CCDC192: variants seen among roughly 807,000 people sequenced by gnomAD.
CCDC192 encodes the protein coiled-coil domain-containing protein 192.
At chr5:127,752,909 G>C (rs538171181) in intron 2 of CCDC192, among the ~76,000 whole-genome samples, 1 of 152,324 alleles carries the variant, frequency 6.6e-6, no homozygotes, top group Middle Eastern at 3.4e-3. Flanking sequence ...TCTTTGACTA[G>C]GAAAGGGAAC....
intron 3 of CCDC192, among the ~76,000 whole-genome samples, chr5:127,770,088 T>G (rs563920188): frequency 6.6e-6 from 1 of 152,276 alleles, no homozygotes; most frequent in South Asian, 2.1e-4. Flanking sequence ...ACCAATTTAT[T>G]TTTTATTTTG....
At chr5:127,838,057 A>T (rs531628385) in intron 5 of CCDC192, among the ~76,000 whole-genome samples, 47 of 152,306 alleles carry the variant, frequency 3.1e-4, no homozygotes, top group Non-Finnish European at 6.3e-4. Context: ...ACTCTCTATT[A>T]AGTATTGGTT....
At chr5:127,745,173 C>A (rs1753667043) in intron 2 of CCDC192, among the ~76,000 whole-genome samples, 1 of 152,138 alleles carries the variant, frequency 6.6e-6, no homozygotes, top group Non-Finnish European at 1.5e-5. Context: ...TTTCTAGATA[C>A]CGCACATGAA....
chr5:127,939,030 G>A (rs1754274611), intron 6 of CCDC192, among the ~76,000 whole-genome samples: 1 of 151,880 alleles, frequency 6.6e-6, no homozygotes, highest in Admixed American at 6.6e-5. Context: ...TATCGCAGAG[G>A]CAATGAACTA....
intron 6 of CCDC192, among the ~76,000 whole-genome samples, chr5:127,887,655 T>C (rs1752607596): frequency 6.6e-6 from 1 of 152,150 alleles, no homozygotes; most frequent in African/African-American, 2.4e-5. Context: ...CATTATTCAT[T>C]TTCATTTTAA....
At chr5:127,735,565 GA>G (rs1275665132) in intron 2 of CCDC192, among the ~76,000 whole-genome samples, 1 of 85,222 alleles carries the variant, frequency 1.2e-5, no homozygotes, top group Non-Finnish European at 2.3e-5. Context: ...CATGAGCATG[GA>G]ATGTTCTTCC....
intron 3 of CCDC192, among the ~76,000 whole-genome samples, chr5:127,770,125 C>G (rs991106722): frequency 1.3e-5 from 2 of 152,154 alleles, no homozygotes; most frequent in Non-Finnish European, 2.9e-5. Flanking sequence ...CACTCTTTTG[C>G]CCAGGCTAGA....
intron 5 of CCDC192, among the ~76,000 whole-genome samples, chr5:127,854,184 C>A (rs557260064): frequency 6.6e-6 from 1 of 152,172 alleles, no homozygotes; most frequent in African/African-American, 2.4e-5. Context: ...CTTTCTTGAT[C>A]CTTCATTAAA....
At chr5:127,796,825 T>C (rs1376351215) in intron 3 of CCDC192, among the ~76,000 whole-genome samples, 1 of 152,252 alleles carries the variant, frequency 6.6e-6, no homozygotes, top group South Asian at 2.1e-4. Context: ...TTGAGGTCTT[T>C]GCATTCAAAA....
At chr5:127,847,403 A>T (rs191816857) in intron 5 of CCDC192, among the ~76,000 whole-genome samples, 1 of 152,240 alleles carries the variant, frequency 6.6e-6, no homozygotes, top group Admixed American at 6.5e-5. Context: ...TTTAAAGACC[A>T]ATCTACTTTC....
intron 6 of CCDC192, among the ~76,000 whole-genome samples, chr5:127,901,670 C>A (rs1200820190): frequency 1.3e-5 from 2 of 152,160 alleles, no homozygotes; most frequent in African/African-American, 4.8e-5. Flanking sequence ...TCTTCCTGCT[C>A]CCAGTCAGTC....
chr5:127,744,239 G>T (rs575891936), intron 2 of CCDC192, among the ~76,000 whole-genome samples: 1 of 151,952 alleles, frequency 6.6e-6, no homozygotes, highest in African/African-American at 2.4e-5. Context: ...TGCCCAGGGT[G>T]AGGGGCTGAG....
chr5:127,755,763 T>C (rs1179485407), intron 3 of CCDC192, among the ~76,000 whole-genome samples: 1 of 150,868 alleles, frequency 6.6e-6, no homozygotes, highest in Non-Finnish European at 1.5e-5. Context: ...GCACCCATGC[T>C]GGGATTAGGT....
intron 5 of CCDC192, among the ~76,000 whole-genome samples, chr5:127,841,727 G>T (rs546068145): frequency 6.6e-6 from 1 of 152,268 alleles, no homozygotes; most frequent in East Asian, 1.9e-4. Flanking sequence ...TGTCCAACGT[G>T]TGTATGGGTG....
At position 127,840,193 on chromosome 5, in the gene CCDC192, T is replaced by C. The variant is rs1210667528; in HGVS notation, c.412-35345T>C. 2.6e-5 allele frequency among the ~76,000 whole-genome samples: 4 copies of C among 152,284 alleles called. No individual in the cohort carries two copies. The East Asian group carries it at 7.7e-4, about 29-fold the overall frequency. On this transcript the variant is annotated intron_variant, in intron 5 of 6. Coordinates refer to ENST00000514853, the MANE Select transcript of CCDC192 (RefSeq NM_001317938.2). Reference sequence around the variant, plus strand: ...GAGCCACAAGTAGAAAATACAGCCATTGTTTTAGAAAGCAACATTACATAG... The same window carrying C: ...GAGCCACAAGTAGAAAATACAGCCACTGTTTTAGAAAGCAACATTACATAG...
intron 6 of CCDC192, among the ~76,000 whole-genome samples, chr5:127,917,288 A>C (rs1753550181): frequency 6.6e-6 from 1 of 152,194 alleles, no homozygotes; most frequent in African/African-American, 2.4e-5. Context: ...AGACACTAAA[A>C]CTTTCTCCAT....
chr5:127,783,067 C>T (rs1181673307), intron 3 of CCDC192, among the ~76,000 whole-genome samples: 1 of 151,194 alleles, frequency 6.6e-6, no homozygotes, highest in Non-Finnish European at 1.5e-5. Context: ...ACGATCTTGG[C>T]TCACTGCAAC....
intron 6 of CCDC192, among the ~76,000 whole-genome samples, chr5:127,885,681 T>C (rs1187610857): frequency 6.6e-6 from 1 of 152,104 alleles, no homozygotes; most frequent in Non-Finnish European, 1.5e-5. Context: ...TCAAATCAAA[T>C]TTAGAAAGGA....
intron 3 of CCDC192, among the ~76,000 whole-genome samples, chr5:127,794,836 A>G (rs1757070772): frequency 6.6e-6 from 1 of 152,168 alleles, no homozygotes; most frequent in Admixed American, 6.5e-5. Flanking sequence ...GGCCCAACTG[A>G]GAGAGATTAT....
Sources: allele counts gnomAD v4.1 joint callset (sites outside exome capture counted in the v4.1 genomes callset), GRCh38; gene constraint gnomAD v4.1.1; transcripts MANE v1.5; gene names NCBI Gene and HGNC (gene_info 2026-07-23, HGNC 2026-07-21).